MTR: variants seen among roughly 807,000 people sequenced by gnomAD.
MTR encodes the protein 5-methyltetrahydrofolate-homocysteine methyltransferase.
MTR carries 84 observed loss-of-function variants against 154.8 expected under a neutral mutation model. That is an observed-to-expected ratio of 0.54 (90% CI 0.45 to 0.65). MTR has a LOEUF of 0.65. Among genes scored for constraint, MTR ranks in the 30% least tolerant of loss-of-function variants. The pLI, the probability that MTR is intolerant of heterozygous loss-of-function variation, is 0.00. For synonymous variants in MTR, 554 were observed against 553.9 expected (o/e 1.00, Z 0.00); for missense variants, 1,275 against 1,570.2 (o/e 0.81, Z 3.18).
intron 22 of MTR, among the ~76,000 whole-genome samples, chr1:236,872,328 C>T (rs75817667): frequency 6.6e-6 from 1 of 152,218 alleles, no homozygotes; most frequent in Non-Finnish European, 1.5e-5. Context: ...CTAGAGTCTG[C>T]CTTTCCTTTC....
At chr1:236,796,068 T>C (rs1572170495) in intron 1 of MTR, among the ~76,000 whole-genome samples, 1 of 152,134 alleles carries the variant, frequency 6.6e-6, no homozygotes, top group African/African-American at 2.4e-5. Flanking sequence ...TCTGGAAGTT[T>C]TTTTTTTTGC....
At chr1:236,852,283 G>T (rs1375489425) in intron 16 of MTR, among the ~76,000 whole-genome samples, 1 of 151,962 alleles carries the variant, frequency 6.6e-6, no homozygotes, top group Non-Finnish European at 1.5e-5. Flanking sequence ...GTGTACGCGC[G>T]TGTTCTCCTT....
intron 20 of MTR, among the ~76,000 whole-genome samples, 186 bp downstream of exon 20, chr1:236,861,463 A>T (rs938959049): frequency 2.0e-5 from 3 of 152,090 alleles, no homozygotes; most frequent in Non-Finnish European, 4.4e-5. Flanking sequence ...AGTGGTGTGG[A>T]TGTTGGAAAT....
chr1:236,868,414 CAT>C (rs1270252881), intron 22 of MTR, among the ~76,000 whole-genome samples: 2 of 152,174 alleles, frequency 1.3e-5, no homozygotes, highest in Non-Finnish European at 2.9e-5. Context: ...AAAAAATTCA[CAT>C]GACTCACTTT....
intron 1 of MTR, among the ~76,000 whole-genome samples, chr1:236,801,889 A>G (rs529005392): frequency 4.9e-4 from 74 of 152,322 alleles, no homozygotes; most frequent in Non-Finnish European, 9.4e-4. Flanking sequence ...CACAGGATGG[A>G]TTAGAACACA....
intron 20 of MTR, 80 bp from the exon 21 acceptor site, chr1:236,862,156 G>A: frequency 8.7e-7 from 1 of 1,147,170 alleles, no homozygotes; most frequent in Non-Finnish European, 1.3e-6. Context: ...TTCCTAATGT[G>A]TGCCCAAATT....
intron 1 of MTR, among the ~76,000 whole-genome samples, chr1:236,796,301 A>C (rs1660384910): frequency 6.6e-6 from 1 of 152,240 alleles, no homozygotes; most frequent in African/African-American, 2.4e-5. Context: ...AATGGGAGGT[A>C]GTAATTTCAA....
At position 236,882,221 on chromosome 1, in the gene MTR, C is replaced by T. The variant is rs536770037; in HGVS notation, c.2676+1385C>T. 4.6e-5 allele frequency among the ~76,000 whole-genome samples: 7 copies of T among 152,226 alleles called. No individual in the cohort carries two copies. The East Asian group carries it at 1.4e-3, about 29-fold the overall frequency. ...GTCCATGGCTGAGTGCTGTGGGCCT[C>T]TTTTTAACACTTGTCATTATTTTCA... On this transcript the variant is annotated intron_variant, in intron 25 of 32. Coordinates refer to ENST00000366577, the MANE Select transcript of MTR (RefSeq NM_000254.3).
Position 236,894,426 on chromosome 1 carries a change from G to C in MTR, c.3274G>C (p.Gly1092Arg). 1 of 1,614,196 alleles carries C rather than the reference G, an allele frequency of 6.2e-7. No homozygotes were observed. Among genetic ancestry groups the C allele is most frequent in the Non-Finnish European group, 8.5e-7 (1 of 1,180,034 alleles). Residue 1092 changes from glycine to arginine, a missense_variant, in exon 30 of 33, where the codon GGC becomes CGC. Transcript: ENST00000366577. Reference sequence around the variant, plus strand: ...AGACTTCATCGCTCCCTTGCATTCTGGCATCCGTGACTACCTGGGCCTGTT... The same window carrying C: ...AGACTTCATCGCTCCCTTGCATTCTCGCATCCGTGACTACCTGGGCCTGTT... ...LSDFIAPLHS[G>R]IRDYLGLFAV...
chr1:236,795,434 T>C lies in MTR; in HGVS notation c.-270T>C, dbSNP rs1275123307. ...CCTCTGGCCGCGCGTGTCTGGCTGC[T>C]AGGCCGACACCAAGGACTGGCCGGG... On this transcript the variant is annotated 5_prime_UTR_variant, in exon 1 of 33. The change abolishes the stop of an existing upstream ORF in the 5' untranslated region. Transcript: ENST00000366577. The C allele has an allele frequency of 2.7e-6, 4 of 1,481,382 alleles. No individual in the cohort carries two copies. Among genetic ancestry groups the C allele is most frequent in the African/African-American group, 2.8e-5 (2 of 71,836 alleles). 91.8% of individuals were successfully genotyped at this position (1,481,382 alleles called of 1,614,324 possible).
At chr1:236,822,483 T>A (rs1055528160) in intron 8 of MTR, among the ~76,000 whole-genome samples, 5 of 152,050 alleles carry the variant, frequency 3.3e-5, no homozygotes, top group African/African-American at 1.2e-4. Context: ...TTAATTTTTT[T>A]ATTTTTTGCA....
intron 8 of MTR, among the ~76,000 whole-genome samples, chr1:236,820,828 G>A (rs1469594416): frequency 6.6e-6 from 1 of 152,182 alleles, no homozygotes; most frequent in Non-Finnish European, 1.5e-5. Context: ...GGTGGTGTCA[G>A]TTTCAGATTT....
Position 236,838,619 on chromosome 1 carries a change from C to T in MTR, c.1515+20C>T. ...GGACAGGTGAGTGGTTTCTTTTGGC[C>T]TAATCCATTGTGTTTCCCAGGTTAG... On this transcript the variant is annotated intron_variant, in intron 15 of 32. Coordinates refer to ENST00000366577, the MANE Select transcript of MTR (RefSeq NM_000254.3). 1 of 1,613,598 alleles carries T rather than the reference C, an allele frequency of 6.2e-7. No homozygotes were observed. Among genetic ancestry groups the T allele is most frequent in the Non-Finnish European group, 8.5e-7 (1 of 1,179,880 alleles).
intron 20 of MTR, 88 bp from the exon 21 acceptor site, chr1:236,862,148 C>T: frequency 2.8e-6 from 3 of 1,055,654 alleles, no homozygotes; most frequent in East Asian, 4.8e-5. Flanking sequence ...AGCATGCATT[C>T]CTAATGTGTG....
intron 3 of MTR, among the ~76,000 whole-genome samples, chr1:236,806,471 T>C (rs1378889285): frequency 2.0e-5 from 3 of 152,250 alleles, no homozygotes; most frequent in Non-Finnish European, 4.4e-5. Context: ...TGATACTTAA[T>C]TATGCAGTAG....
chr1:236,854,142 T>C (rs1413812278), intron 18 of MTR, among the ~76,000 whole-genome samples: 1 of 152,206 alleles, frequency 6.6e-6, no homozygotes, highest in Non-Finnish European at 1.5e-5. Context: ...AATAAAATGC[T>C]CTGGAAGAAG....
chr1:236,873,210 T>C lies in MTR; in HGVS notation c.2406-563T>C, dbSNP rs1284467435. ...GATGAATACTGTATTATTCTACTTA[T>C]GCGAAATATCTAGATAAGGCAAATT... On this transcript the variant is annotated intron_variant, in intron 22 of 32. Coordinates refer to ENST00000366577, the MANE Select transcript of MTR (RefSeq NM_000254.3). 3.9e-5 allele frequency among the ~76,000 whole-genome samples: 6 copies of C among 152,208 alleles called. No individual in the cohort carries two copies. The South Asian group carries it at 1.0e-3, about 26-fold the overall frequency.
rs1572221152 is a variant in MTR at position 236,827,038 on chromosome 1, T to C, written c.995+142T>C. On this transcript the variant is annotated intron_variant, in intron 11 of 32. Transcript: ENST00000366577. ...TTCTAACCCCTACTGTTTCAGAATG[T>C]GGGCTGTATTTGGAGATGAGGCCTT... 1.4e-5 allele frequency: 11 copies of C among 783,586 alleles called. No homozygotes were observed. The East Asian group carries it at 2.9e-4, about 21-fold the overall frequency. 48.5% of individuals were successfully genotyped at this position (783,586 alleles called of 1,614,324 possible). A position where few individuals can be genotyped will look rare whatever the true frequency, so the allele number is the denominator to read the frequency against.
intron 15 of MTR, among the ~76,000 whole-genome samples, chr1:236,849,861 C>T (rs919159410): frequency 2.0e-5 from 3 of 152,146 alleles, no homozygotes; most frequent in African/African-American, 4.8e-5. Flanking sequence ...AATGTTTTTG[C>T]AAGAAGATCT....
Sources: gnomAD v4.1 joint callset for allele counts (sites outside exome capture counted in the v4.1 genomes callset) on GRCh38, gnomAD v4.1.1 for gene constraint, MANE v1.5 for transcripts, NCBI Gene and HGNC (gene_info 2026-07-23, HGNC 2026-07-21) for gene names.